PTPRO: variants seen among roughly 807,000 people sequenced by gnomAD.
PTPRO encodes receptor-type tyrosine-protein phosphatase O.
In PTPRO, 62 loss-of-function variants were observed where a neutral mutation model predicts 145.2. That is an observed-to-expected ratio of 0.43 (90% CI 0.35 to 0.53). The LOEUF (loss-of-function observed/expected upper bound fraction) is 0.53, where lower values mean the gene tolerates loss of function less well. Among genes scored for constraint, PTPRO ranks in the 20% least tolerant of loss-of-function variants. The probability of loss-of-function intolerance (pLI) is 0.01; values close to 1 mark genes in which losing one functional copy is unlikely to be tolerated. For missense variants in PTPRO, 1,345 were observed against 1,482.7 expected (o/e 0.91, Z 1.53); for synonymous variants, 565 against 514.7 (o/e 1.10, Z -1.32).
intron 1 of PTPRO, among the ~76,000 whole-genome samples, chr12:15,388,292 T>C (rs1371119182): frequency 6.6e-6 from 1 of 152,168 alleles, no homozygotes; most frequent in African/African-American, 2.4e-5. Context: ...AATTGCAGAA[T>C]GATTATTGCA....
intron 24 of PTPRO, among the ~76,000 whole-genome samples, chr12:15,588,936 T>C (rs1195238487): frequency 6.6e-6 from 1 of 152,110 alleles, no homozygotes; most frequent in Non-Finnish European, 1.5e-5. Flanking sequence ...TAGTCAGAAA[T>C]GTGACATTAG....
At chr12:15,561,677 AC>A (rs1398607445) in intron 17 of PTPRO, among the ~76,000 whole-genome samples, 1 of 152,142 alleles carries the variant, frequency 6.6e-6, no homozygotes, top group East Asian at 1.9e-4. Flanking sequence ...TTCCATTTCA[AC>A]CTTCAAAATA....
intron 1 of PTPRO, among the ~76,000 whole-genome samples, chr12:15,476,572 A>G (rs898215819): frequency 6.6e-6 from 1 of 150,998 alleles, no homozygotes; most frequent in Admixed American, 6.6e-5. Context: ...TAGTTTAATT[A>G]GATCCCATTT....
chr12:15,578,183 T>C (rs1465772389), intron 19 of PTPRO, among the ~76,000 whole-genome samples: 1 of 152,172 alleles, frequency 6.6e-6, no homozygotes, highest in Non-Finnish European at 1.5e-5. Flanking sequence ...TCCTCACTAT[T>C]TTTTACTACT....
chr12:15,428,180 T>TGGC (rs1940335101), intron 1 of PTPRO, among the ~76,000 whole-genome samples: 1 of 152,138 alleles, frequency 6.6e-6, no homozygotes, highest in Admixed American at 6.6e-5. Flanking sequence ...TTAAGTGCTT[T>TGGC]GGCAAAGGAT....
intron 14 of PTPRO, among the ~76,000 whole-genome samples, chr12:15,550,509 A>C (rs945471203): frequency 1.1e-4 from 16 of 152,226 alleles, no homozygotes; most frequent in Non-Finnish European, 1.9e-4. Flanking sequence ...TGTCAGCTCC[A>C]TGACAATGTA....
chr12:15,499,742 T>C (rs1019740346), intron 4 of PTPRO, 148 bp downstream of exon 4: 20 of 972,934 alleles, frequency 2.1e-5, no homozygotes, highest in Non-Finnish European at 2.9e-5. Flanking sequence ...TTTCTATCAA[T>C]ATAAAAAGAA....
intron 1 of PTPRO, among the ~76,000 whole-genome samples, chr12:15,417,601 T>C (rs1430970801): frequency 1.3e-5 from 2 of 151,710 alleles, no homozygotes; most frequent in Non-Finnish European, 2.9e-5. Context: ...AGAATCTGCA[T>C]TTTTAACAAG....
intron 1 of PTPRO, chr12:15,348,174 C>T (rs867659302): frequency 2.4e-4 from 37 of 152,176 alleles, no homozygotes; most frequent in African/African-American, 8.9e-4. Flanking sequence ...TCTGGAATTT[C>T]TAGCTGGGCT....
chr12:15,348,590 C>T (rs1370791741), intron 1 of PTPRO: 1 of 152,080 alleles, frequency 6.6e-6, no homozygotes, highest in Non-Finnish European at 1.5e-5. Flanking sequence ...AACCCCGTCT[C>T]TACTAAAAAC....
At chr12:15,365,531 C>T (rs1464140346) in intron 1 of PTPRO, among the ~76,000 whole-genome samples, 2 of 152,062 alleles carry the variant, frequency 1.3e-5, no homozygotes, top group East Asian at 3.9e-4. Flanking sequence ...ACCTACAACA[C>T]AGAGATTGAA....
intron 8 of PTPRO, 106 bp from the exon 9 acceptor site, chr12:15,516,657 T>A: frequency 1.1e-6 from 1 of 914,286 alleles, no homozygotes; most frequent in Non-Finnish European, 1.8e-6. Context: ...GAGGTAGGTA[T>A]TGTATCAGAG....
chr12:15,421,383 G>A (rs1331863599), intron 1 of PTPRO, among the ~76,000 whole-genome samples: 2 of 152,142 alleles, frequency 1.3e-5, no homozygotes, highest in African/African-American at 4.8e-5. Context: ...AGAGAGGGAA[G>A]TAAAAAAGAG....
chr12:15,422,508 C>T (rs2136329006), intron 1 of PTPRO, among the ~76,000 whole-genome samples: 1 of 152,212 alleles, frequency 6.6e-6, no homozygotes, highest in East Asian at 1.9e-4. Context: ...AATTATTTGG[C>T]AGTTTTGATG....
At chr12:15,424,233 A>C (rs1439696240) in intron 1 of PTPRO, among the ~76,000 whole-genome samples, 4 of 152,310 alleles carry the variant, frequency 2.6e-5, no homozygotes, top group East Asian at 3.9e-4. Context: ...TGGACATAAA[A>C]TTCACATATT....
intron 26 of PTPRO, chr12:15,595,534 G>T: frequency 5.9e-6 from 1 of 168,142 alleles, no homozygotes; most frequent in Non-Finnish European, 1.3e-5. Context: ...AAAATACCTT[G>T]GTCTCCCCCA....
intron 1 of PTPRO, among the ~76,000 whole-genome samples, chr12:15,407,089 T>C (rs569805960): frequency 6.6e-6 from 1 of 152,356 alleles, no homozygotes; most frequent in African/African-American, 2.4e-5. Context: ...CCTTGAGCTT[T>C]TGGATCACAG....
chr12:15,399,448 G>A (rs1472757557), intron 1 of PTPRO, among the ~76,000 whole-genome samples: 1 of 152,134 alleles, frequency 6.6e-6, no homozygotes, highest in Non-Finnish European at 1.5e-5. Flanking sequence ...CAGCTCTGAA[G>A]CCCACTAGCA....
In PTPRO at chr12:15,580,127, A is replaced by G. The variant is rs1944278511; in HGVS notation, c.2997+12A>G. On this transcript the variant is annotated intron_variant, in intron 21 of 26. Transcript: ENST00000281171. The stretch of plus-strand genomic sequence containing the variant: ...CCAACTATATTCCTGTAAGTAGAAA[A>G]AAAAAATCAGGCATCCCAAAGCTAA... 1 of 1,605,056 alleles carries G rather than the reference A, an allele frequency of 6.2e-7. No homozygotes were observed. Among genetic ancestry groups the G allele is most frequent in the Non-Finnish European group, 8.5e-7 (1 of 1,174,780 alleles).
Sources: allele counts gnomAD v4.1 joint callset (sites outside exome capture counted in the v4.1 genomes callset), GRCh38; gene constraint gnomAD v4.1.1; transcripts MANE v1.5; gene names NCBI Gene and HGNC (gene_info 2026-07-23, HGNC 2026-07-21).